Variants in COL5A1 observed in about 807,000 individuals in gnomAD.
The protein encoded by COL5A1 is collagen alpha-1(V) chain.
A neutral mutation model predicts 263.7 loss-of-function variants in COL5A1; 16 were observed. The ratio of observed to expected loss-of-function variants is 0.06; its 90% CI spans 0.04 to 0.09. COL5A1 has a LOEUF of 0.09. Among genes scored for constraint, COL5A1 ranks in the 10% least tolerant of loss-of-function variants. COL5A1 has a pLI of 1.00. For missense variants in COL5A1, 2,036 were observed against 2,540.5 expected (o/e 0.80, Z 4.27); for synonymous variants, 1,012 against 1,004.5 (o/e 1.01, Z -0.14).
At chr9:134,775,644 G>A (rs946270700) in intron 27 of COL5A1, among the ~76,000 whole-genome samples, 1 of 152,262 alleles carries the variant, frequency 6.6e-6, no homozygotes, top group South Asian at 2.1e-4. Context: ...ACCCCTAGGC[G>A]CACGCGGACC....
Position 134,801,993 on chromosome 9 carries a change from G to A in COL5A1, c.2992G>A (p.Val998Met), listed in dbSNP as rs776676564. The A allele has an allele frequency of 1.1e-5, 17 of 1,613,280 alleles. No homozygotes were observed. Among genetic ancestry groups the A allele is most frequent in the African/African-American group, 2.7e-5 (2 of 74,938 alleles). ...GACCGGCCCTCCAGGCCCCCCCGGC[G>A]TGGTCGGCCCTCAGGTAAGCTCCAG... ...GKTGPPGPPGVVGPQGPTGET... is the reference protein window; with the variant it reads ...GKTGPPGPPGMVGPQGPTGET... Residue 998 changes from valine (V) to methionine (M), a missense_variant, in exon 38 of 66, where the codon GTG becomes ATG. This residue lies in a region of COL5A1 where 1,078 missense variants were observed against 1,521.4 expected (regional missense o/e 0.71). Coordinates refer to ENST00000371817, the MANE Select transcript of COL5A1 (RefSeq NM_000093.5).
intron 38 of COL5A1, 82 bp downstream of exon 38, chr9:134,802,089 T>G: frequency 1.5e-6 from 2 of 1,366,274 alleles, no homozygotes; most frequent in Non-Finnish European, 2.1e-6. Flanking sequence ...CGGGCATCTG[T>G]TCCCTCCACG....
At chr9:134,724,117 G>A (rs964468274) in intron 4 of COL5A1, among the ~76,000 whole-genome samples, 1 of 152,020 alleles carries the variant, frequency 6.6e-6, no homozygotes, top group Admixed American at 6.6e-5. Context: ...CTGCTGTTGG[G>A]CCCCCACCCT....
rs766796504 is a variant in COL5A1, at chr9:134,815,628, C to A, written c.4067C>A (p.Ala1356Glu). Residue 1356 changes from alanine (A) to glutamate (E), a missense_variant and splice_region_variant, in exon 51 of 66, where the codon GCG becomes GAG. Ala to Glu is a moderately radical substitution (Grantham distance 107, BLOSUM62 -1). Coordinates refer to ENST00000371817, the MANE Select transcript of COL5A1 (RefSeq NM_000093.5). ...GGCCCCCCCGGAGAGCCTGGCCCCG[C>A]GGTAGGTGCTCAAGAGGGCAAAGCC... ...DPGPPGEPGP[A>E]GQDGPPGDKG... 6.2e-7 allele frequency: 1 copy of A among 1,613,600 alleles called. No individual in the cohort carries two copies. Among genetic ancestry groups the A allele is most frequent in the Non-Finnish European group, 8.5e-7 (1 of 1,179,900 alleles).
chr9:134,650,767 T>A lies in COL5A1; in HGVS notation c.109+8471T>A, dbSNP rs114562828. Among the ~76,000 whole-genome samples the A allele has an allele frequency of 7.9e-5, 12 of 152,372 alleles. No individual in the cohort carries two copies. In the East Asian group the frequency reaches 2.3e-3, roughly 29 times the overall value. On this transcript the variant is annotated intron_variant, in intron 1 of 65. Transcript: ENST00000371817. Reference sequence around the variant, plus strand: ...TTCCCGTGCATGTTCTTCCTCTGGCTCTTGTTCATATTTTCATATTTACAC... The same window carrying A: ...TTCCCGTGCATGTTCTTCCTCTGGCACTTGTTCATATTTTCATATTTACAC...
At position 134,758,328 on chromosome 9, in the gene COL5A1, A is replaced by C. The variant is rs1412145501; in HGVS notation, c.1935+32A>C. Reference sequence around the variant, plus strand: ...ATTTCCTCTGTGAGACACAGGCATGACGATGGGCAGCAGAGGTGTCTCTCG... The same window carrying C: ...ATTTCCTCTGTGAGACACAGGCATGCCGATGGGCAGCAGAGGTGTCTCTCG... On this transcript the variant is annotated intron_variant, in intron 18 of 65. Coordinates refer to ENST00000371817, the MANE Select transcript of COL5A1 (RefSeq NM_000093.5). This position sits in a 1 kb window ranked among gnomAD's most constrained non-coding sequence, Gnocchi z 4.1. The C allele has an allele frequency of 6.2e-7, 1 of 1,609,542 alleles. No individual in the cohort carries two copies. Among genetic ancestry groups the C allele is most frequent in the South Asian group, 1.1e-5 (1 of 90,984 alleles).
rs368323125 is a variant in COL5A1 at position 134,754,240 on chromosome 9, C to T, written c.1774-33C>T. On this transcript the variant is annotated intron_variant, in intron 15 of 65. Coordinates refer to ENST00000371817, the MANE Select transcript of COL5A1 (RefSeq NM_000093.5). This position sits in a 1 kb window ranked among gnomAD's most constrained non-coding sequence, Gnocchi z 4.3. ...CTCTTTCTCCTGAGAAAGGCGGACT[C>T]GCCACTGACCCTTTGTCTCTTACCC... 174 of 1,610,326 alleles carry T rather than the reference C, an allele frequency of 1.1e-4. 1 individual carries two copies. In the South Asian group the frequency reaches 1.3e-3, roughly 12 times the overall value.
At chr9:134,825,169 A>T (rs1299116711) in intron 62 of COL5A1, among the ~76,000 whole-genome samples, 1 of 152,196 alleles carries the variant, frequency 6.6e-6, no homozygotes, top group African/African-American at 2.4e-5. Flanking sequence ...TGGGAACAGA[A>T]ACATCTCCCA....
Position 134,750,970 on chromosome 9 carries a change from C to T in COL5A1, c.1662+88C>T, listed in dbSNP as rs530221926. 2.7e-6 allele frequency: 3 copies of T among 1,127,870 alleles called. No homozygotes were observed. The South Asian group carries it at 3.9e-5, about 15-fold the overall frequency. The allele number at this position is 1,127,870 out of a possible 1,614,324, so 69.9% of individuals were successfully genotyped here. A position where few individuals can be genotyped will look rare whatever the true frequency, so the allele number is the denominator to read the frequency against. On this transcript the variant is annotated intron_variant, in intron 13 of 65. Coordinates refer to ENST00000371817, the MANE Select transcript of COL5A1 (RefSeq NM_000093.5). ...GAGTGAGTGAGTCAGGCTCAGAGCCCAACTTGGAGGGAAGCAGCTGTCTTG... is the reference window on the plus strand; with the variant it reads ...GAGTGAGTGAGTCAGGCTCAGAGCCTAACTTGGAGGGAAGCAGCTGTCTTG...
At chr9:134,691,619 C>G (rs1441148478) in intron 2 of COL5A1, 1 of 163,566 alleles carries the variant, frequency 6.1e-6, no homozygotes, top group Non-Finnish European at 1.3e-5. Context: ...AGCATTAGCT[C>G]TAAGATACAG....
rs1223984612 is a variant in COL5A1, at chr9:134,696,942, G to C, written c.278-2967G>C. On this transcript the variant is annotated intron_variant, in intron 2 of 65. Transcript: ENST00000371817. The surrounding 1 kb of genome is among the most constrained non-coding windows in gnomAD (Gnocchi z 4.3). ...AAAAATTAGCCAGGCTTGGTGGCGG[G>C]TGCCTGTAGTCCCAGCTACTCGGGA... Among the ~76,000 whole-genome samples the C allele has an allele frequency of 4.6e-5, 7 of 152,052 alleles. No homozygotes were observed. The highest frequency in any genetic ancestry group is 1.0e-4 in the Non-Finnish European group (7 of 68,012).
intron 43 of COL5A1, 72 bp downstream of exon 43, chr9:134,809,362 T>A: frequency 8.4e-7 from 1 of 1,187,648 alleles, no homozygotes; most frequent in Non-Finnish European, 1.2e-6. Context: ...GTGGTGAATT[T>A]AAAGGACAGG....
At chr9:134,720,658 C>T (rs1232895511) in intron 4 of COL5A1, among the ~76,000 whole-genome samples, 1 of 152,124 alleles carries the variant, frequency 6.6e-6, no homozygotes, top group Non-Finnish European at 1.5e-5. Flanking sequence ...TCGGGCAGAG[C>T]TGTGTGTTTG....
At position 134,754,992 on chromosome 9, in the gene COL5A1, C is replaced by T. The variant is rs1377503262; in HGVS notation, c.1827+666C>T. Among the ~76,000 whole-genome samples the T allele has an allele frequency of 6.6e-6, 1 of 152,148 alleles. No homozygotes were observed. The highest frequency in any genetic ancestry group is 1.5e-5 in the Non-Finnish European group (1 of 68,032). On this transcript the variant is annotated intron_variant, in intron 16 of 65. Coordinates refer to ENST00000371817, the MANE Select transcript of COL5A1 (RefSeq NM_000093.5). This position sits in a 1 kb window ranked among gnomAD's most constrained non-coding sequence, Gnocchi z 4.3. ...GGACCTCTTCCCAGTATGTTGTCTA[C>T]CTAAGCTACCCTTGACTGCTATAGT... is the stretch of plus-strand genomic sequence containing the variant.
In COL5A1 at chr9:134,792,896, C is replaced by T. The variant is rs547658189; in HGVS notation, c.2701-2186C>T. Among the ~76,000 whole-genome samples, 123 of 30,176 alleles carry T rather than the reference C, an allele frequency of 4.1e-3. 1 individual carries two copies. Among genetic ancestry groups the T allele is most frequent in the African/African-American group, 0.01 (82 of 8,174 alleles). 19.8% of individuals were successfully genotyped at this position (30,176 alleles called of 152,430 possible). The stretch of plus-strand genomic sequence containing the variant: ...GTTTGTGCACACGTGTGTGTGCGCG[C>T]GTGTGTGCACGCGCGTGTGTGTGCG... On this transcript the variant is annotated intron_variant, in intron 32 of 65. Transcript: ENST00000371817.
intron 29 of COL5A1, among the ~76,000 whole-genome samples, 192 bp from the exon 30 acceptor site, chr9:134,784,797 G>A (rs895243403): frequency 6.6e-5 from 10 of 152,256 alleles, no homozygotes; most frequent in African/African-American, 1.9e-4. Context: ...CCGGGAATTC[G>A]CGGTACAATG....
At chr9:134,775,498 G>A (rs190333039) in intron 27 of COL5A1, among the ~76,000 whole-genome samples, 5 of 152,334 alleles carry the variant, frequency 3.3e-5, no homozygotes, top group South Asian at 2.1e-4. Context: ...TACATGGGGC[G>A]CACAGCTCCA....
chr9:134,810,560 G>T, intron 44 of COL5A1: 1 of 531,694 alleles, frequency 1.9e-6, no homozygotes, highest in Non-Finnish European at 3.3e-6. Context: ...AATAAATGGA[G>T]TGTTTCTGTC....
chr9:134,841,719 C>G lies in COL5A1; in HGVS notation c.5371-438C>G, dbSNP rs1162686941. ...GCCTCGGACTCCTTCCTTTTCGAAC[C>G]TGGAGCCCCCGTTTGATTTTCCAGT... On this transcript the variant is annotated intron_variant, in intron 65 of 65. Transcript: ENST00000371817. This position sits in a 1 kb window ranked among gnomAD's most constrained non-coding sequence, Gnocchi z 4.8. 6.6e-6 allele frequency among the ~76,000 whole-genome samples: 1 copy of G among 152,154 alleles called. No homozygotes were observed. Among genetic ancestry groups the G allele is most frequent in the Non-Finnish European group, 1.5e-5 (1 of 68,036 alleles).
Sources: gnomAD v4.1 joint callset for allele counts (sites outside exome capture counted in the v4.1 genomes callset) on GRCh38, gnomAD v4.1.1 for gene constraint, gnomAD v4.1.1 regional missense constraint, Gnocchi (gnomAD v3.1) non-coding constraint, MANE v1.5 for transcripts, NCBI Gene and HGNC (gene_info 2026-07-23, HGNC 2026-07-21) for gene names.